The following SARDH variants were observed in gnomAD, a reference collection of about 807,000 sequenced individuals.
SARDH encodes sarcosine dehydrogenase, mitochondrial.
In SARDH, 95 loss-of-function variants were observed where a neutral mutation model predicts 109.1. The observed-to-expected ratio is 0.87, with a 90% CI of 0.74 to 1.03. The LOEUF is 1.03. Ranked by LOEUF, SARDH falls within the 50% of genes least tolerant of loss-of-function variation. The pLI is 0.00. For missense variants in SARDH, 1,267 were observed against 1,287.8 expected (o/e 0.98, Z 0.25); for synonymous variants, 572 against 534.8 (o/e 1.07, Z -0.96).
chr9:133,676,587 G>A (rs995665390), intron 17 of SARDH, among the ~76,000 whole-genome samples: 1 of 152,256 alleles, frequency 6.6e-6, no homozygotes, highest in African/African-American at 2.4e-5. Context: ...AGAGGTGCCA[G>A]GGGAGGCCGG....
chr9:133,732,722 T>A, intron 2 of SARDH, 121 bp from the exon 3 acceptor site: 1 of 1,134,526 alleles, frequency 8.8e-7, no homozygotes. Context: ...AAGGTCTTTC[T>A]CTGCAGGACC....
intron 2 of SARDH, 94 bp downstream of exon 2, chr9:133,733,746 GGTT>G: frequency 8.3e-7 from 1 of 1,210,044 alleles, no homozygotes; most frequent in Middle Eastern, 2.0e-4. Flanking sequence ...TCCCCAGGCT[GGTT>G]GTTGTGAACC....
rs1564220830 is a variant in SARDH, at chr9:133,663,718, G to A, written c.*171C>T. 1.1e-6 allele frequency: 1 copy of A among 874,352 alleles called. No homozygotes were observed. The allele number at this position is 874,352 out of a possible 1,614,324, so 54.2% of individuals were successfully genotyped here. A position where few individuals can be genotyped will look rare whatever the true frequency, so the allele number is the denominator to read the frequency against. ...CTTCCAGTCAGTGACCACAGGATGGGCCATCTTGGTCTCTGTCCGTATCTG... is the reference window on the plus strand; with the variant it reads ...CTTCCAGTCAGTGACCACAGGATGGACCATCTTGGTCTCTGTCCGTATCTG... On this transcript the variant is annotated 3_prime_UTR_variant, in exon 21 of 21. Coordinates refer to ENST00000439388, the MANE Select transcript of SARDH (RefSeq NM_001134707.2).
At chr9:133,664,042 A>T (rs1315979093) in intron 20 of SARDH, 28 bp from the exon 21 acceptor site, 1 of 1,612,070 alleles carries the variant, frequency 6.2e-7, no homozygotes, top group Non-Finnish European at 8.5e-7. Context: ...GATGAGGATC[A>T]CTCTCTGTTG....
intron 17 of SARDH, among the ~76,000 whole-genome samples, chr9:133,680,291 C>A (rs1453027723): frequency 1.3e-5 from 2 of 151,168 alleles, no homozygotes; most frequent in Non-Finnish European, 2.9e-5. Context: ...TCCACCGAGC[C>A]TTGGGTAACA....
Position 133,686,088 on chromosome 9 carries a change from G to A in SARDH, c.2070-802C>T, listed in dbSNP as rs1012762536. 2.0e-5 allele frequency among the ~76,000 whole-genome samples: 3 copies of A among 152,156 alleles called. No homozygotes were observed. The highest frequency in any genetic ancestry group is 4.4e-5 in the Non-Finnish European group (3 of 68,004). On this transcript the variant is annotated intron_variant, in intron 16 of 20. Transcript: ENST00000439388. This position sits in a 1 kb window ranked among gnomAD's most constrained non-coding sequence, Gnocchi z 4.0. ...AGTGCCACAGTGCTATGAGGGCCCG[G>A]GAATGTTCCTGAGCACTGGACACTC... is the stretch of plus-strand genomic sequence containing the variant.
intron 1 of SARDH, among the ~76,000 whole-genome samples, chr9:133,735,295 A>G (rs1328103204): frequency 1.3e-5 from 2 of 152,256 alleles, no homozygotes; most frequent in African/African-American, 4.8e-5. Context: ...GGGATTGCAG[A>G]GTAGGGGCTC....
At position 133,704,542 on chromosome 9, in the gene SARDH, C is replaced by T. The variant is rs565217456; in HGVS notation, c.1554+406G>A. ...AACCTGCCCAGTGCCTGCCCTCCTA[C>T]GGACATAAACCAACAGTCGGAGTGG... On this transcript the variant is annotated intron_variant, in intron 12 of 20. Transcript: ENST00000439388. The surrounding 1 kb of genome is among the most constrained non-coding windows in gnomAD (Gnocchi z 4.5). 2.5e-4 allele frequency among the ~76,000 whole-genome samples: 38 copies of T among 152,282 alleles called. No individual in the cohort carries two copies. The highest frequency in any genetic ancestry group is 7.2e-4 in the African/African-American group (30 of 41,564).
chr9:133,666,474 C>A lies in SARDH; in HGVS notation c.2631+261G>T, dbSNP rs1465047419. On this transcript the variant is annotated intron_variant, in intron 20 of 20. Transcript: ENST00000439388. This position sits in a 1 kb window ranked among gnomAD's most constrained non-coding sequence, Gnocchi z 5.2. ...AGTCCTCCACCTGCTGAGGCCTCTT[C>A]CTCCCCCTTCTCCTTCTCCCTCCCT... Among the ~76,000 whole-genome samples, 1 of 152,068 alleles carries A rather than the reference C, an allele frequency of 6.6e-6. No homozygotes were observed. Among genetic ancestry groups the A allele is most frequent in the Non-Finnish European group, 1.5e-5 (1 of 67,992 alleles).
At chr9:133,699,047 A>G (rs769791701) in intron 13 of SARDH, among the ~76,000 whole-genome samples, 2 of 152,152 alleles carry the variant, frequency 1.3e-5, no homozygotes, top group Admixed American at 6.5e-5. Flanking sequence ...AAAATTTGCA[A>G]CTCAATAATA....
In SARDH at chr9:133,734,149, G is replaced by A. The variant is rs375209255; in HGVS notation, c.25C>T (p.Arg9Cys). The A allele has an allele frequency of 1.2e-5, 19 of 1,602,974 alleles. No individual in the cohort carries two copies. The highest frequency in any genetic ancestry group is 2.7e-5 in the African/African-American group (2 of 74,824). Residue 9 changes from arginine to cysteine, a missense_variant, in exon 2 of 21, where the codon CGT becomes TGT. Arg to Cys is a radical substitution (Grantham distance 180, BLOSUM62 -3). Transcript: ENST00000439388. ...TGGCGAGGGTGGGCAGCAGCCACAC[G>A]TAGGGCTCGGCTCAGTGAGGCCATG... MASLSRAL[R>C]VAAAHPRQSP... is the part of the protein sequence containing the mutation.
At chr9:133,684,624 C>T (rs535915133) in intron 17 of SARDH, among the ~76,000 whole-genome samples, 4 of 152,302 alleles carry the variant, frequency 2.6e-5, no homozygotes, top group Admixed American at 2.6e-4. Context: ...GTGCTGGCTC[C>T]GGACACTACC....
chr9:133,713,914 C>A (rs1163238788), intron 8 of SARDH, among the ~76,000 whole-genome samples: 1 of 152,200 alleles, frequency 6.6e-6, no homozygotes, highest in Non-Finnish European at 1.5e-5. Context: ...TGGGAGGCAG[C>A]GCTGAGCAGG....
intron 14 of SARDH, among the ~76,000 whole-genome samples, chr9:133,695,718 C>T (rs1831261093): frequency 5.6e-5 from 3 of 53,398 alleles, no homozygotes; most frequent in South Asian, 7.4e-4. Flanking sequence ...AAGATGGGGA[C>T]GCATGAGCTG....
intron 17 of SARDH, among the ~76,000 whole-genome samples, chr9:133,677,083 G>A (rs1157942438): frequency 6.6e-6 from 1 of 152,118 alleles, no homozygotes; most frequent in Non-Finnish European, 1.5e-5. Context: ...AGGCTGTAGC[G>A]AGCCAAGGTC....
In SARDH at chr9:133,708,529, A is replaced by G. The variant is rs1009822176; in HGVS notation, c.1329-101T>C. On this transcript the variant is annotated intron_variant, in intron 10 of 20. Transcript: ENST00000439388. ...AGCCTGGACCCCGGTCCCCTGCACCAGAGTCCCCTTTGTGGCTCAGCATTG... is the reference window on the plus strand; with the variant it reads ...AGCCTGGACCCCGGTCCCCTGCACCGGAGTCCCCTTTGTGGCTCAGCATTG... The G allele has an allele frequency of 9.9e-6, 14 of 1,415,750 alleles. No individual in the cohort carries two copies. In the African/African-American group the frequency reaches 1.9e-4, roughly 19 times the overall value. The allele number at this position is 1,415,750 out of a possible 1,614,324, so 87.7% of individuals were successfully genotyped here. A position where few individuals can be genotyped will look rare whatever the true frequency, so the allele number is the denominator to read the frequency against.
At chr9:133,721,526 G>A (rs939085449) in intron 6 of SARDH, among the ~76,000 whole-genome samples, 6 of 152,166 alleles carry the variant, frequency 3.9e-5, no homozygotes, top group Non-Finnish European at 7.3e-5. Context: ...GCTCCAGCGG[G>A]GAGGCGTGAA....
chr9:133,734,423 A>AC (rs1297913967), intron 1 of SARDH, among the ~76,000 whole-genome samples: 4 of 69,274 alleles, frequency 5.8e-5, no homozygotes, highest in Admixed American at 1.5e-4. Context: ...TCATTCATTC[A>AC]TTCACTCATT....
rs1830890549 is a variant in SARDH, at chr9:133,686,497, G to C, written c.2070-1211C>G. ...CAAGATCCCACAGTCTCCTGCCAGG[G>C]TGTCTCTCACATTGGTTGTACCCAC... On this transcript the variant is annotated intron_variant, in intron 16 of 20. Transcript: ENST00000439388. The surrounding 1 kb of genome is among the most constrained non-coding windows in gnomAD (Gnocchi z 4.0). Among the ~76,000 whole-genome samples the C allele has an allele frequency of 6.6e-6, 1 of 152,074 alleles. No homozygotes were observed. The highest frequency in any genetic ancestry group is 1.5e-5 in the Non-Finnish European group (1 of 68,004).
Sources: allele counts gnomAD v4.1 joint callset (sites outside exome capture counted in the v4.1 genomes callset), GRCh38; gene constraint gnomAD v4.1.1; non-coding constraint Gnocchi (gnomAD v3.1); transcripts MANE v1.5; gene names NCBI Gene and HGNC (gene_info 2026-07-23, HGNC 2026-07-21).